The following TENM1 variants were observed in gnomAD, a reference collection of about 807,000 sequenced individuals.
TENM1 encodes the protein teneurin transmembrane protein 1, also known as teneurin-1.
A neutral mutation model predicts 174.8 loss-of-function variants in TENM1; 35 were observed. The ratio of observed to expected loss-of-function variants is 0.20; its 90% CI spans 0.15 to 0.27. TENM1 has a LOEUF of 0.27. Ranked by LOEUF, TENM1 falls within the 10% of genes least tolerant of loss-of-function variation. The pLI, the probability that TENM1 is intolerant of heterozygous loss-of-function variation, is 1.00. For missense variants in TENM1, 1,633 were observed against 2,130.1 expected, an observed-to-expected ratio of 0.77 and a Z score of 4.59; for synonymous variants, 781 against 798.7, an observed-to-expected ratio of 0.98 and a Z score of 0.37.
At chrX:124,876,750 A>G (rs1291432513) in intron 3 of TENM1, among the ~76,000 whole-genome samples, 1 of 111,773 alleles carries the variant, frequency 8.9e-6, no homozygotes, top group African/African-American at 3.2e-5. Context: ...CTACTGAGAA[A>G]ATTTTCTCTC....
chrX:124,495,823 C>G (rs887777863), intron 20 of TENM1, among the ~76,000 whole-genome samples: 22 of 103,017 alleles, frequency 2.1e-4, no homozygotes, highest in African/African-American at 6.7e-4. Context: ...CAATGCCATC[C>G]CCATCAAGCT....
chrX:124,490,831 G>C (rs2047050839), intron 20 of TENM1, among the ~76,000 whole-genome samples: 1 of 111,988 alleles, frequency 8.9e-6, no homozygotes, highest in African/African-American at 3.2e-5. Flanking sequence ...GAGGGGTACA[G>C]GGGGATATTA....
intron 3 of TENM1, among the ~76,000 whole-genome samples, chrX:124,784,374 A>G: frequency 9.0e-6 from 1 of 111,691 alleles, no homozygotes; most frequent in Non-Finnish European, 1.9e-5. Flanking sequence ...CAAAAAAGAG[A>G]ATGGAAATTC....
At chrX:124,460,430 G>A (rs2061156926) in intron 22 of TENM1, among the ~76,000 whole-genome samples, 1 of 111,174 alleles carries the variant, frequency 9.0e-6, no homozygotes, top group East Asian at 2.8e-4. Context: ...CCTCTGTAGG[G>A]ACATGGATAA....
chrX:124,782,716 C>A (rs1433038010), intron 3 of TENM1, among the ~76,000 whole-genome samples: 2 of 110,553 alleles, frequency 1.8e-5, no homozygotes, highest in African/African-American at 3.3e-5. Flanking sequence ...TATGTCATAG[C>A]ATTAACTACA....
At chrX:124,661,869 T>C (rs1283397600) in intron 6 of TENM1, among the ~76,000 whole-genome samples, 1 of 111,473 alleles carries the variant, frequency 9.0e-6, no homozygotes, top group African/African-American at 3.3e-5. Flanking sequence ...AATCTTCAAT[T>C]ACATGAATTA....
chrX:124,684,912 C>T (rs917212360), intron 5 of TENM1, among the ~76,000 whole-genome samples: 12 of 111,092 alleles, frequency 1.1e-4, no homozygotes, highest in East Asian at 5.7e-4. Context: ...ACCCAGGAAC[C>T]GGGGTGCCAT....
the TENM1 span, among the ~76,000 whole-genome samples, chrX:125,137,724 G>C: frequency 4.2e-3 from 464 of 111,426 alleles, 3 homozygotes; most frequent in Non-Finnish European, 7.1e-3. Flanking sequence ...GATGGCCAGT[G>C]ATTCCCCAGC....
At chrX:124,629,954 G>T (rs766874282) in intron 11 of TENM1, among the ~76,000 whole-genome samples, 1 of 111,792 alleles carries the variant, frequency 8.9e-6, no homozygotes, top group South Asian at 3.8e-4. Context: ...TACTAACTAC[G>T]TGCCTAATGA....
At chrX:124,574,025 C>T (rs190408458) in intron 11 of TENM1, among the ~76,000 whole-genome samples, 32 of 112,040 alleles carry the variant, frequency 2.9e-4, no homozygotes, top group African/African-American at 1.0e-3. Context: ...TTACAGGCTA[C>T]AAAATATGAC....
At chrX:124,636,820 A>AC (rs1449633210) in intron 11 of TENM1, among the ~76,000 whole-genome samples, 14 of 111,882 alleles carry the variant, frequency 1.3e-4, no homozygotes, top group African/African-American at 4.6e-4. Context: ...TTCATTTTTT[A>AC]CCATCTGTCT....
At chrX:125,082,307 C>T in the TENM1 span, among the ~76,000 whole-genome samples, 1 of 110,979 alleles carries the variant, frequency 9.0e-6, no homozygotes, top group Admixed American at 9.6e-5. Context: ...TCTAAAACCT[C>T]TTTTGATCTA....
chrX:125,110,701 C>T, the TENM1 span, among the ~76,000 whole-genome samples: 10 of 111,438 alleles, frequency 9.0e-5, no homozygotes, highest in Non-Finnish European at 1.7e-4. Context: ...GAAGCTAAAA[C>T]TTCATTTTGA....
chrX:124,943,135 T>C (rs1459986466), intron 1 of TENM1, among the ~76,000 whole-genome samples: 1 of 111,427 alleles, frequency 9.0e-6, no homozygotes, highest in Non-Finnish European at 1.9e-5. Context: ...AATATACTAG[T>C]AAAGGCGGTT....
chrX:125,150,352 C>T, the TENM1 span, among the ~76,000 whole-genome samples: 66 of 111,964 alleles, frequency 5.9e-4, no homozygotes, highest in African/African-American at 2.0e-3. Context: ...GATAAATAAA[C>T]CTAGTAGTTT....
At chrX:124,993,259 G>A in the TENM1 span, among the ~76,000 whole-genome samples, 1 of 111,136 alleles carries the variant, frequency 9.0e-6, no homozygotes, top group Admixed American at 9.6e-5. Context: ...ATAACAAGCT[G>A]AAAAGAATGG....
intron 11 of TENM1, among the ~76,000 whole-genome samples, chrX:124,598,800 A>C (rs189871154): frequency 9.6e-4 from 107 of 111,487 alleles, no homozygotes; most frequent in African/African-American, 3.5e-3. Flanking sequence ...GTTAGTGGGT[A>C]CAAAATAATA....
chrX:124,958,843 A>G (rs184338212), intron 1 of TENM1, among the ~76,000 whole-genome samples: 1 of 111,650 alleles, frequency 9.0e-6, no homozygotes, highest in Non-Finnish European at 1.9e-5. Flanking sequence ...TTCCAAATTT[A>G]TCATTATTAT....
intron 11 of TENM1, among the ~76,000 whole-genome samples, chrX:124,606,016 T>C (rs55760197): frequency 0.16 from 18,012 of 110,967 alleles, 1,244 homozygotes; most frequent in African/African-American, 0.24. Context: ...ACATGATGTT[T>C]TTCTTCTTTC....
Sources: allele counts gnomAD v4.1 joint callset (sites outside exome capture counted in the v4.1 genomes callset), GRCh38; gene constraint gnomAD v4.1.1; transcripts MANE v1.5; gene names NCBI Gene and HGNC (gene_info 2026-07-23, HGNC 2026-07-21).